RAB1A: variants seen among roughly 807,000 people sequenced by gnomAD.
RAB1A encodes the protein ras-related protein Rab-1A.
Under a neutral mutation model 26.0 loss-of-function variants are expected in RAB1A, and 2 were observed. The observed-to-expected ratio is 0.08, with a 90% CI of 0.03 to 0.24. RAB1A has a LOEUF of 0.24. RAB1A is among the 10% of genes least tolerant of loss of function. The pLI, the probability that RAB1A is intolerant of heterozygous loss-of-function variation, is 1.00. For missense variants in RAB1A, 100 were observed against 247.0 expected, an observed-to-expected ratio of 0.40 and a Z score of 3.99; for synonymous variants, 84 against 84.9, an observed-to-expected ratio of 0.99 and a Z score of 0.06.
At chr2:65,109,709 C>CAAAA (rs112595111) in intron 1 of RAB1A, among the ~76,000 whole-genome samples, 9 of 125,212 alleles carry the variant, frequency 7.2e-5, no homozygotes, top group Non-Finnish European at 1.4e-4. Context: ...GACTCCATCT[C>CAAAA]AAAAAAAAAA....
chr2:65,126,333 G>A (rs963414275), intron 1 of RAB1A, among the ~76,000 whole-genome samples: 1 of 150,258 alleles, frequency 6.7e-6, no homozygotes, highest in Non-Finnish European at 1.5e-5. Flanking sequence ...AAAAAGAAAA[G>A]AAAACAAAAA....
At chr2:65,121,820 T>C (rs997310710) in intron 1 of RAB1A, among the ~76,000 whole-genome samples, 7 of 152,146 alleles carry the variant, frequency 4.6e-5, no homozygotes, top group Non-Finnish European at 1.0e-4. Flanking sequence ...TTTTGCCTAA[T>C]TCTCAAAGGA....
rs1435617547 is a variant in RAB1A, at chr2:65,094,442, G to A, written c.193-3364C>T. 5.9e-5 allele frequency among the ~76,000 whole-genome samples: 9 copies of A among 152,148 alleles called. No individual in the cohort carries two copies. The South Asian group carries it at 6.2e-4, about 11-fold the overall frequency. On this transcript the variant is annotated intron_variant, in intron 3 of 5. Transcript: ENST00000409784. Reference sequence around the variant, plus strand: ...TCTACTAAAAATACAAAATTAGCCCGGCGTGGTGGCACATGCCTGTAATCC... The same window carrying A: ...TCTACTAAAAATACAAAATTAGCCCAGCGTGGTGGCACATGCCTGTAATCC...
intron 2 of RAB1A, among the ~76,000 whole-genome samples, chr2:65,098,535 T>A (rs1360091232): frequency 3.3e-5 from 5 of 151,792 alleles, no homozygotes; most frequent in Non-Finnish European, 7.4e-5. Flanking sequence ...AATTATGATT[T>A]TTTTTTTTAG....
At chr2:65,102,696 G>A (rs1367484384) in intron 2 of RAB1A, among the ~76,000 whole-genome samples, 1 of 151,674 alleles carries the variant, frequency 6.6e-6, no homozygotes, top group African/African-American at 2.4e-5. Context: ...GGGAGGCTGA[G>A]ACAAGCGGAT....
intron 1 of RAB1A, among the ~76,000 whole-genome samples, chr2:65,109,101 T>C (rs1461011028): frequency 6.6e-6 from 1 of 152,224 alleles, no homozygotes; most frequent in Non-Finnish European, 1.5e-5. Context: ...ACTACAGAAG[T>C]AGTTTATTTC....
At chr2:65,126,401 G>A (rs1342958244) in intron 1 of RAB1A, among the ~76,000 whole-genome samples, 1 of 151,546 alleles carries the variant, frequency 6.6e-6, no homozygotes, top group East Asian at 1.9e-4. Flanking sequence ...CCAACACTTT[G>A]GGAGGCCAAG....
intron 1 of RAB1A, among the ~76,000 whole-genome samples, chr2:65,122,211 C>T (rs970023101): frequency 6.8e-6 from 1 of 146,118 alleles, no homozygotes; most frequent in Non-Finnish European, 1.5e-5. Context: ...ATTTAAAATA[C>T]CTCATGCACT....
intron 1 of RAB1A, among the ~76,000 whole-genome samples, chr2:65,120,284 C>G (rs1348847757): frequency 6.6e-6 from 1 of 151,740 alleles, no homozygotes; most frequent in South Asian, 2.1e-4. Context: ...GGTGAAACTC[C>G]GTCTTTACTA....
intron 1 of RAB1A, among the ~76,000 whole-genome samples, chr2:65,121,284 T>C (rs974238296): frequency 6.0e-5 from 9 of 148,810 alleles, no homozygotes; most frequent in African/African-American, 2.2e-4. Context: ...ACCGAGTAAG[T>C]GCTAAATAGC....
chr2:65,128,252 C>A (rs75251643), intron 1 of RAB1A, among the ~76,000 whole-genome samples: 1 of 152,100 alleles, frequency 6.6e-6, no homozygotes, highest in African/African-American at 2.4e-5. Flanking sequence ...AGTAACTTGT[C>A]AAAGTTCTCA....
intron 1 of RAB1A, among the ~76,000 whole-genome samples, chr2:65,126,481 C>T (rs1183519949): frequency 2.0e-5 from 3 of 151,994 alleles, no homozygotes; most frequent in African/African-American, 4.8e-5. Flanking sequence ...ATACAGCTAC[C>T]AACTCTTATG....
At chr2:65,117,993 G>C (rs1669863980) in intron 1 of RAB1A, among the ~76,000 whole-genome samples, 1 of 152,186 alleles carries the variant, frequency 6.6e-6, no homozygotes, top group African/African-American at 2.4e-5. Flanking sequence ...GAATGCCCTT[G>C]GGCAAGTCAT....
chr2:65,122,989 A>G (rs1477742665), intron 1 of RAB1A, among the ~76,000 whole-genome samples: 1 of 150,928 alleles, frequency 6.6e-6, no homozygotes, highest in African/African-American at 2.4e-5. Context: ...AAAAAAAAAA[A>G]AAAAAAGCAA....
At chr2:65,103,943 T>TG (rs1669496493) in intron 2 of RAB1A, among the ~76,000 whole-genome samples, 3 of 152,052 alleles carry the variant, frequency 2.0e-5, no homozygotes, top group Admixed American at 2.0e-4. Context: ...CACACCCAGC[T>TG]AATTTTTTGT....
At chr2:65,114,821 C>G (rs71424159) in intron 1 of RAB1A, among the ~76,000 whole-genome samples, 1 of 149,666 alleles carries the variant, frequency 6.7e-6, no homozygotes, top group Non-Finnish European at 1.5e-5. Context: ...GTCCGCAGTC[C>G]GGCCTGGGCA....
chr2:65,104,877 AAC>A (rs747180602), intron 1 of RAB1A, 71 bp from the exon 2 acceptor site: 23 of 1,227,138 alleles, frequency 1.9e-5, no homozygotes, highest in Non-Finnish European at 2.4e-5. Context: ...CAAAAACAAA[AAC>A]ACAGCTACAA....
chr2:65,098,141 ACTGTTGTTC>A, intron 2 of RAB1A, 75 bp from the exon 3 acceptor site: 1 of 833,928 alleles, frequency 1.2e-6, no homozygotes, highest in Non-Finnish European at 1.8e-6. Flanking sequence ...AAAAAAAAAA[ACTGTTGTTC>A]AAGAGTAAAT....
At chr2:65,103,979 C>T (rs938512103) in intron 2 of RAB1A, among the ~76,000 whole-genome samples, 2 of 151,978 alleles carry the variant, frequency 1.3e-5, no homozygotes, top group Non-Finnish European at 2.9e-5. Context: ...GGGGTTTCAC[C>T]GTGTTAGCCA....
Sources: gnomAD v4.1 joint callset for allele counts (sites outside exome capture counted in the v4.1 genomes callset) on GRCh38, gnomAD v4.1.1 for gene constraint, MANE v1.5 for transcripts, NCBI Gene and HGNC (gene_info 2026-07-23, HGNC 2026-07-21) for gene names.